The following GRIK2 variants were observed in gnomAD, a reference collection of about 807,000 sequenced individuals.
The protein encoded by GRIK2 is glutamate ionotropic receptor kainate type subunit 2.
GRIK2 carries 32 observed loss-of-function variants against 100.3 expected under a neutral mutation model. The observed-to-expected ratio is 0.32, with a 90% CI of 0.24 to 0.43. The LOEUF (loss-of-function observed/expected upper bound fraction) is 0.43. Ranked by LOEUF, GRIK2 falls within the 20% of genes least tolerant of loss-of-function variation. The pLI is 1.00. For synonymous variants in GRIK2, 417 were observed against 389.4 expected, an observed-to-expected ratio of 1.07 and a Z score of -0.83; for missense variants, 843 against 1,114.9, an observed-to-expected ratio of 0.76 and a Z score of 3.47.
At chr6:101,915,538 A>T (rs2128467184) in intron 12 of GRIK2, among the ~76,000 whole-genome samples, 1 of 129,716 alleles carries the variant, frequency 7.7e-6, no homozygotes, top group South Asian at 2.7e-4. Context: ...CTATGGAATA[A>T]AACAGTATTT....
intron 2 of GRIK2, among the ~76,000 whole-genome samples, chr6:101,460,457 G>A (rs1454497801): frequency 6.6e-6 from 1 of 152,124 alleles, no homozygotes; most frequent in African/African-American, 2.4e-5. Flanking sequence ...ACTTGTATTG[G>A]TAATGTAACA....
intron 15 of GRIK2, among the ~76,000 whole-genome samples, chr6:102,043,291 A>G (rs1489954910): frequency 6.6e-6 from 1 of 151,874 alleles, no homozygotes; most frequent in Non-Finnish European, 1.5e-5. Context: ...TGGTGTGAAC[A>G]TTTGAAATTT....
At chr6:101,937,444 T>TA (rs1790685348) in intron 14 of GRIK2, among the ~76,000 whole-genome samples, 2 of 152,100 alleles carry the variant, frequency 1.3e-5, no homozygotes, top group South Asian at 4.1e-4. Context: ...TAATGGATAA[T>TA]AGTTGTCACT....
At position 101,998,894 on chromosome 6, in the gene GRIK2, A is replaced by ACCTC. The variant is rs547517926; in HGVS notation, c.2086-36445_2086-36442dup. Among the ~76,000 whole-genome samples the ACCTC allele has an allele frequency of 4.1e-5, 6 of 145,452 alleles. No homozygotes were observed. In the South Asian group the frequency reaches 1.3e-3, roughly 31 times the overall value. On this transcript the variant is annotated intron_variant, in intron 14 of 16. Coordinates refer to ENST00000369134, the MANE Select transcript of GRIK2 (RefSeq NM_021956.5). ...AGTGGCATGATCTTGGCTCACTGCA[A>ACCTC]CCTCCGCCTCCTTGGTTGAAGCGAT...
intron 2 of GRIK2, among the ~76,000 whole-genome samples, chr6:101,438,524 G>A (rs1460904176): frequency 6.6e-6 from 1 of 151,586 alleles, no homozygotes; most frequent in Non-Finnish European, 1.5e-5. Context: ...AATATATATT[G>A]GAAACTCTTT....
chr6:101,648,881 G>A (rs1582890090), intron 4 of GRIK2, among the ~76,000 whole-genome samples: 1 of 151,968 alleles, frequency 6.6e-6, no homozygotes, highest in Non-Finnish European at 1.5e-5. Flanking sequence ...CAAACATGGT[G>A]GAAGATAAAG....
intron 2 of GRIK2, among the ~76,000 whole-genome samples, chr6:101,562,235 G>A (rs1431889520): frequency 6.6e-6 from 1 of 151,986 alleles, no homozygotes; most frequent in African/African-American, 2.4e-5. Flanking sequence ...AAAAACTTTA[G>A]GGGAGCTTTT....
At chr6:101,685,315 A>C (rs1270766008) in intron 6 of GRIK2, among the ~76,000 whole-genome samples, 1 of 152,102 alleles carries the variant, frequency 6.6e-6, no homozygotes, top group Non-Finnish European at 1.5e-5. Flanking sequence ...CTTTCCACTG[A>C]ATTGTATTCT....
chr6:101,422,244 C>G (rs888810576), intron 2 of GRIK2, among the ~76,000 whole-genome samples: 1 of 152,126 alleles, frequency 6.6e-6, no homozygotes, highest in African/African-American at 2.4e-5. Flanking sequence ...TCTGCTTTAA[C>G]TGAGGGGGAG....
chr6:101,690,852 G>A (rs925166276), intron 7 of GRIK2, among the ~76,000 whole-genome samples: 3 of 151,860 alleles, frequency 2.0e-5, no homozygotes, highest in Non-Finnish European at 4.4e-5. Flanking sequence ...TAATTTTCAG[G>A]TTTTCTGTTA....
rs564478523 is a variant in GRIK2 at position 101,707,074 on chromosome 6, G to T, written c.951+20721G>T. 5.3e-5 allele frequency among the ~76,000 whole-genome samples: 8 copies of T among 151,950 alleles called. No individual in the cohort carries two copies. In the South Asian group the frequency reaches 1.7e-3, roughly 32 times the overall value. Reference sequence around the variant, plus strand: ...GTTATTAGGTAAGAGAATGAAGATGGATTCTGTGGCTGCATCATAGGCTCT... The same window carrying T: ...GTTATTAGGTAAGAGAATGAAGATGTATTCTGTGGCTGCATCATAGGCTCT... On this transcript the variant is annotated intron_variant, in intron 7 of 16. Transcript: ENST00000369134.
At chr6:101,536,838 C>A (rs925421945) in intron 2 of GRIK2, among the ~76,000 whole-genome samples, 14 of 151,604 alleles carry the variant, frequency 9.2e-5, no homozygotes, top group Non-Finnish European at 2.1e-4. Context: ...GTCAAAAGGT[C>A]AAATTTATTC....
intron 6 of GRIK2, among the ~76,000 whole-genome samples, chr6:101,685,545 A>C (rs548371931): frequency 3.0e-4 from 46 of 152,176 alleles, no homozygotes; most frequent in Non-Finnish European, 5.3e-4. Context: ...AGGGCAGAGC[A>C]AGAAAGTTCA....
At chr6:101,788,360 TG>T (rs1779581985) in intron 7 of GRIK2, among the ~76,000 whole-genome samples, 2 of 141,454 alleles carry the variant, frequency 1.4e-5, no homozygotes, top group African/African-American at 5.1e-5. Flanking sequence ...CCCTCCCCCC[TG>T]CCCCCACCCC....
At chr6:101,425,410 A>G (rs1366960315) in intron 2 of GRIK2, among the ~76,000 whole-genome samples, 1 of 152,152 alleles carries the variant, frequency 6.6e-6, no homozygotes. Flanking sequence ...ATTTTATTAT[A>G]TAATTTCTAT....
chr6:101,395,021 A>G (rs553484814), intron 1 of GRIK2, among the ~76,000 whole-genome samples: 1 of 152,368 alleles, frequency 6.6e-6, no homozygotes, highest in South Asian at 2.1e-4. Context: ...TTTAGTGTCT[A>G]AAAATTAATC....
At chr6:101,855,899 A>G (rs1784402554) in intron 10 of GRIK2, among the ~76,000 whole-genome samples, 1 of 152,222 alleles carries the variant, frequency 6.6e-6, no homozygotes, top group African/African-American at 2.4e-5. Flanking sequence ...TACATGAGCC[A>G]TGATTCTAGC....
intron 14 of GRIK2, among the ~76,000 whole-genome samples, chr6:102,031,125 A>ACC (rs1200407537): frequency 1.5e-5 from 1 of 66,042 alleles, no homozygotes; most frequent in Non-Finnish European, 3.7e-5. Flanking sequence ...ACACACACAC[A>ACC]CACCCCCTTT....
At chr6:101,449,791 C>T (rs555776918) in intron 2 of GRIK2, among the ~76,000 whole-genome samples, 32 of 151,744 alleles carry the variant, frequency 2.1e-4, no homozygotes, top group Non-Finnish European at 4.1e-4. Flanking sequence ...TCAAATAATA[C>T]TTTCCAGATA....
Sources: gnomAD v4.1 joint callset for allele counts (sites outside exome capture counted in the v4.1 genomes callset) on GRCh38, gnomAD v4.1.1 for gene constraint, MANE v1.5 for transcripts, NCBI Gene and HGNC (gene_info 2026-07-23, HGNC 2026-07-21) for gene names.